DLGAP2: variants seen among roughly 807,000 people sequenced by gnomAD.
The protein encoded by DLGAP2 is disks large-associated protein 2.
In DLGAP2, 26 loss-of-function variants were observed where a neutral mutation model predicts 100.3. That is an observed-to-expected ratio of 0.26 (90% CI 0.19 to 0.36). The LOEUF (loss-of-function observed/expected upper bound fraction) is 0.36. Among genes scored for constraint, DLGAP2 ranks in the 10% least tolerant of loss-of-function variants. DLGAP2 has a pLI of 1.00. For synonymous variants in DLGAP2, 886 were observed against 630.1 expected (o/e 1.41, Z -6.08); for missense variants, 1,858 against 1,453.2 (o/e 1.28, Z -4.53).
chr8:1,672,463 G>A (rs2130845407), intron 10 of DLGAP2, among the ~76,000 whole-genome samples: 1 of 152,294 alleles, frequency 6.6e-6, no homozygotes, highest in South Asian at 2.1e-4. Flanking sequence ...CCTGACCTCA[G>A]GTGATCCACC....
intron 8 of DLGAP2, among the ~76,000 whole-genome samples, chr8:1,664,266 C>T (rs983578355): frequency 4.6e-5 from 7 of 152,124 alleles, no homozygotes; most frequent in African/African-American, 1.7e-4. Flanking sequence ...GTCTACTAGC[C>T]CTTCCCGTGG....
At chr8:1,501,214 A>T in intron 3 of DLGAP2, 152 bp from the exon 4 acceptor site, 1 of 769,434 alleles carries the variant, frequency 1.3e-6, no homozygotes, top group Middle Eastern at 2.4e-4. Context: ...TTGGCACAAA[A>T]TGCTGGGCTC....
chr8:914,860 G>C (rs983232221), intron 2 of DLGAP2, among the ~76,000 whole-genome samples: 15 of 152,198 alleles, frequency 9.9e-5, no homozygotes, highest in African/African-American at 3.1e-4. Context: ...GGACCTTTCT[G>C]TGTGGTGCAG....
At chr8:1,646,829 C>T (rs564297585) in intron 8 of DLGAP2, among the ~76,000 whole-genome samples, 4 of 152,162 alleles carry the variant, frequency 2.6e-5, no homozygotes, top group Non-Finnish European at 4.4e-5. Flanking sequence ...TCAAAATCCC[C>T]TTCTGGAAAG....
chr8:767,425 G>T (rs1017260802), intron 1 of DLGAP2, among the ~76,000 whole-genome samples: 14 of 146,372 alleles, frequency 9.6e-5, no homozygotes, highest in African/African-American at 3.0e-4. Flanking sequence ...ATCTTGACTC[G>T]GTCTTGGCTC....
chr8:1,554,591 T>C (rs1406829739), intron 5 of DLGAP2, among the ~76,000 whole-genome samples: 1 of 152,100 alleles, frequency 6.6e-6, no homozygotes, highest in East Asian at 1.9e-4. Context: ...CCGGGTCCTG[T>C]CTTTGTCCCG....
chr8:1,479,327 C>T (rs1799025346), intron 3 of DLGAP2, among the ~76,000 whole-genome samples: 1 of 152,238 alleles, frequency 6.6e-6, no homozygotes, highest in Admixed American at 6.5e-5. Flanking sequence ...TGATTAGCCG[C>T]CTCTCAAGCT....
Position 833,258 on chromosome 8 carries a change from C to T in DLGAP2, c.19-74654C>T, listed in dbSNP as rs188113531. 1.7e-3 allele frequency among the ~76,000 whole-genome samples: 259 copies of T among 152,306 alleles called. 1 individual carries two copies. Among genetic ancestry groups the T allele is most frequent in the Non-Finnish European group, 2.1e-3 (145 of 68,036 alleles). Reference sequence around the variant, plus strand: ...GAGTCAGCACTCCAGTACCCATTTCCTGAGAGAATTCAGGCTTTTTGCTGT... The same window carrying T: ...GAGTCAGCACTCCAGTACCCATTTCTTGAGAGAATTCAGGCTTTTTGCTGT... On this transcript the variant is annotated intron_variant, in intron 1 of 14. Transcript: ENST00000637795.
At chr8:1,161,568 G>A (rs981515072) in intron 2 of DLGAP2, among the ~76,000 whole-genome samples, 3 of 152,172 alleles carry the variant, frequency 2.0e-5, no homozygotes, top group African/African-American at 7.2e-5. Flanking sequence ...GTAGAAAATC[G>A]GCGCCTTCCC....
intron 3 of DLGAP2, among the ~76,000 whole-genome samples, chr8:1,497,022 T>C (rs1799570268): frequency 6.6e-6 from 1 of 152,176 alleles, no homozygotes; most frequent in South Asian, 2.1e-4. Context: ...TCACACGTTA[T>C]GGAGCACTGC....
intron 3 of DLGAP2, among the ~76,000 whole-genome samples, chr8:1,487,847 C>T (rs936856624): frequency 3.9e-5 from 6 of 152,174 alleles, no homozygotes; most frequent in Non-Finnish European, 8.8e-5. Flanking sequence ...CCAGCAGGTA[C>T]GTGGTGGCCC....
intron 12 of DLGAP2, among the ~76,000 whole-genome samples, chr8:1,683,960 A>G (rs1219093031): frequency 0.013 from 823 of 65,510 alleles, 31 homozygotes; most frequent in Non-Finnish European, 0.016. Context: ...GTGTGTATAT[A>G]TATATATATA....
chr8:1,202,621 G>A (rs1334243288), intron 2 of DLGAP2, among the ~76,000 whole-genome samples: 5 of 152,184 alleles, frequency 3.3e-5, no homozygotes, highest in South Asian at 2.1e-4. Flanking sequence ...GACAGTCACA[G>A]GCAGAGGCTC....
At chr8:1,015,070 T>TGTGTGTGACCAGGACAGAC (rs1801416130) in intron 2 of DLGAP2, among the ~76,000 whole-genome samples, 1 of 5,386 alleles carries the variant, frequency 1.9e-4, no homozygotes, top group African/African-American at 5.6e-4. Flanking sequence ...GGACAGACGG[T>TGTGTGTGACCAGGACAGAC]GCCTCCACTG....
intron 3 of DLGAP2, among the ~76,000 whole-genome samples, chr8:1,374,048 A>C (rs969470274): frequency 7.9e-5 from 12 of 151,584 alleles, no homozygotes; most frequent in African/African-American, 2.9e-4. Context: ...TGTGTGGTGG[A>C]GGTTAGGTTA....
rs74402819 is a variant in DLGAP2, at chr8:793,787, A to G, written c.18+55962A>G. On this transcript the variant is annotated intron_variant, in intron 1 of 14. Coordinates refer to ENST00000637795, the MANE Select transcript of DLGAP2 (RefSeq NM_001346810.2). ...CTTCATCATGTTGGATGTATTTTTGATTTCCAACACCTCTATTATTTTGTT... is the reference window on the plus strand; with the variant it reads ...CTTCATCATGTTGGATGTATTTTTGGTTTCCAACACCTCTATTATTTTGTT... 2.9e-3 allele frequency among the ~76,000 whole-genome samples: 435 copies of G among 152,132 alleles called. 4 individuals are homozygous for G. Among genetic ancestry groups the G allele is most frequent in the African/African-American group, 0.01 (424 of 41,496 alleles).
chr8:1,514,332 G>A (rs1447260007), intron 4 of DLGAP2, among the ~76,000 whole-genome samples: 2 of 152,212 alleles, frequency 1.3e-5, no homozygotes, highest in African/African-American at 2.4e-5. Context: ...ACCCCCAACA[G>A]CCCAGGTGTT....
At chr8:968,610 A>C (rs1046152916) in intron 2 of DLGAP2, among the ~76,000 whole-genome samples, 2 of 152,120 alleles carry the variant, frequency 1.3e-5, no homozygotes, top group Non-Finnish European at 2.9e-5. Context: ...GTGCATCCTC[A>C]GTTGGGAGGG....
At chr8:1,674,547 A>G (rs982810642) in intron 10 of DLGAP2, among the ~76,000 whole-genome samples, 3 of 152,222 alleles carry the variant, frequency 2.0e-5, no homozygotes, top group Non-Finnish European at 4.4e-5. Context: ...AGAGAGACAA[A>G]TATTCTCCAC....
Sources: gnomAD v4.1 joint callset for allele counts (sites outside exome capture counted in the v4.1 genomes callset) on GRCh38, gnomAD v4.1.1 for gene constraint, MANE v1.5 for transcripts, NCBI Gene and HGNC (gene_info 2026-07-23, HGNC 2026-07-21) for gene names.